Variants in GVQW3 observed in about 807,000 individuals in gnomAD.
The protein encoded by GVQW3 is protein GVQW3.
GVQW3 carries 7 observed loss-of-function variants against 12.5 expected under a neutral mutation model. That is an observed-to-expected ratio of 0.56 (90% confidence interval 0.32 to 1.05). GVQW3 has a LOEUF of 1.05. Ranked by LOEUF, GVQW3 falls within the 50% of genes least tolerant of loss-of-function variation. The pLI is 0.04. For missense variants in GVQW3, 188 were observed against 190.8 expected (o/e 0.99, Z 0.09); for synonymous variants, 71 against 67.2 (o/e 1.06, Z -0.28).
Position 76,401,773 on chromosome 11 carries a change from CAAAAAAA to C in GVQW3, c.466-1875_466-1869del, listed in dbSNP as rs5792720. Among the ~76,000 whole-genome samples the C allele has an allele frequency of 2.6e-3, 228 of 88,928 alleles. 1 individual carries two copies. The highest frequency in any genetic ancestry group is 3.6e-3 in the Non-Finnish European group (156 of 43,150). The allele number at this position is 88,928 out of a possible 152,430, so 58.3% of individuals were successfully genotyped here. On this transcript the variant is annotated intron_variant, in intron 1 of 1. Transcript: ENST00000529331. ...GGGTGACAAAAGCGAAACTCTGTCTCAAAAAAAAAAAAAAAAAAGAAAGAAAGAAAAG... is the reference window on the plus strand; with the variant it reads ...GGGTGACAAAAGCGAAACTCTGTCTCAAAAAAAAAAAGAAAGAAAGAAAAG...
chr11:76,385,597 T>C (rs186400524), intron 1 of GVQW3, among the ~76,000 whole-genome samples: 2 of 152,316 alleles, frequency 1.3e-5, no homozygotes, highest in South Asian at 2.1e-4. Flanking sequence ...TGCTGATCCT[T>C]GTATTGACCT....
chr11:76,403,834 G>A lies in GVQW3; in HGVS notation c.*76G>A. 3 of 686,488 alleles carry A rather than the reference G, an allele frequency of 4.4e-6. No homozygotes were observed. Among genetic ancestry groups the A allele is most frequent in the Non-Finnish European group, 5.3e-6 (2 of 375,018 alleles). 42.5% of individuals were successfully genotyped at this position (686,488 alleles called of 1,614,324 possible). A position where few individuals can be genotyped will look rare whatever the true frequency, so the allele number is the denominator to read the frequency against. ...GAGTCCACAGGCCGAAGAGCGAGGAGTGCTGATGTACAAGGGCAGGAGAAG... is the reference window on the plus strand; with the variant it reads ...GAGTCCACAGGCCGAAGAGCGAGGAATGCTGATGTACAAGGGCAGGAGAAG... On this transcript the variant is annotated 3_prime_UTR_variant, in exon 2 of 2. Transcript: ENST00000529331.
At chr11:76,390,332 C>G (rs1008715747) in intron 1 of GVQW3, among the ~76,000 whole-genome samples, 4 of 152,138 alleles carry the variant, frequency 2.6e-5, no homozygotes, top group Non-Finnish European at 2.9e-5. Context: ...TTGGGCAGTT[C>G]ATTTGTACCC....
chr11:76,393,753 A>G (rs1946915124), intron 1 of GVQW3, among the ~76,000 whole-genome samples: 1 of 151,892 alleles, frequency 6.6e-6, no homozygotes, highest in African/African-American at 2.4e-5. Context: ...CATAGCAGGT[A>G]TATATATATT....
intron 1 of GVQW3, among the ~76,000 whole-genome samples, chr11:76,399,467 T>C (rs1017898621): frequency 5.9e-5 from 9 of 152,172 alleles, no homozygotes; most frequent in African/African-American, 2.2e-4. Flanking sequence ...TTCGTATGTT[T>C]CTCCAGTTTT....
intron 1 of GVQW3, among the ~76,000 whole-genome samples, chr11:76,391,389 A>C (rs948529802): frequency 1.3e-5 from 2 of 152,214 alleles, no homozygotes; most frequent in Non-Finnish European, 2.9e-5. Flanking sequence ...TAAAGAAAAG[A>C]TGTGTGCCCT....
chr11:76,409,395 A>C (rs977990853), downstream of GVQW3, among the ~76,000 whole-genome samples: 24 of 152,224 alleles, frequency 1.6e-4, no homozygotes, highest in African/African-American at 5.8e-4. Flanking sequence ...TACAAAGAGA[A>C]CAGCTAGTTC....
intron 1 of GVQW3, among the ~76,000 whole-genome samples, chr11:76,386,478 C>T (rs148485293): frequency 8.3e-4 from 127 of 152,218 alleles, no homozygotes; most frequent in African/African-American, 3.0e-3. Context: ...TTTGGAAATG[C>T]CTGGATAAAT....
Position 76,403,741 on chromosome 11 carries a change from C to G in GVQW3, c.547C>G (p.Leu183Val), listed in dbSNP as rs1432252293. 6 of 517,056 alleles carry G rather than the reference C, an allele frequency of 1.2e-5. No individual in the cohort carries two copies. In the Admixed American group the frequency reaches 1.9e-4, roughly 16 times the overall value. The allele number at this position is 517,056 out of a possible 1,614,324, so 32.0% of individuals were successfully genotyped here. A position where few individuals can be genotyped will look rare whatever the true frequency, so the allele number is the denominator to read the frequency against. ...CCTCCCACCTTGGCCTCCCAAAGCT[C>G]TGGGATTATCAGCATGAGCCACCAT... ...GILPPWPPKA[L>V]GLSA Residue 183 changes from leucine (L) to valine (V), a missense_variant, in exon 2 of 2, where the codon CTG becomes GTG. Transcript: ENST00000529331.
Position 76,381,527 on chromosome 11 carries a change from A to AGATCT in GVQW3, c.-302_-301insGATCT. 3.2e-6 allele frequency: 1 copy of AGATCT among 313,814 alleles called. No individual in the cohort carries two copies. The highest frequency in any genetic ancestry group is 5.9e-6 in the Non-Finnish European group (1 of 169,394). 19.4% of individuals were successfully genotyped at this position (313,814 alleles called of 1,614,324 possible). A position where few individuals can be genotyped will look rare whatever the true frequency, so the allele number is the denominator to read the frequency against. ...CCTTAAGGGCCGCGGAATCGGAGCG[A>AGATCT]CCTTGGTGACTGGCAAACTCTCGGC... is the stretch of plus-strand genomic sequence containing the variant. On this transcript the variant is annotated 5_prime_UTR_variant, in exon 1 of 2. Coordinates refer to ENST00000529331, the MANE Select transcript of GVQW3 (RefSeq NM_001347885.2).
Position 76,386,454 on chromosome 11 carries a change from G to A in GVQW3, c.465+4161G>A, listed in dbSNP as rs1946835243. On this transcript the variant is annotated intron_variant, in intron 1 of 1. Coordinates refer to ENST00000529331, the MANE Select transcript of GVQW3 (RefSeq NM_001347885.2). ...TTTTTCAGATGAATTTCTAGTCAAA[G>A]ACTAAGACTTGCCTTTGGAAATGCC... Among the ~76,000 whole-genome samples the A allele has an allele frequency of 2.0e-5, 3 of 152,282 alleles. No homozygotes were observed. In the South Asian group the frequency reaches 6.2e-4, roughly 32 times the overall value.
downstream of GVQW3, chr11:76,411,785 C>T (rs934961037): frequency 6.6e-6 from 1 of 152,146 alleles, no homozygotes; most frequent in African/African-American, 2.4e-5. Flanking sequence ...TTGGTTTCCT[C>T]AGCTGTAACA....
intron 1 of GVQW3, chr11:76,390,251 G>A (rs1946878709): frequency 2.0e-5 from 3 of 152,150 alleles, no homozygotes; most frequent in African/African-American, 4.8e-5. Flanking sequence ...CTAAGTATAA[G>A]TCCTCTGGTC....
rs80299201 is a variant in GVQW3 at position 76,405,710 on chromosome 11, C to T, written c.*1952C>T. On this transcript the variant is annotated 3_prime_UTR_variant, in exon 2 of 2. Coordinates refer to ENST00000529331, the MANE Select transcript of GVQW3 (RefSeq NM_001347885.2). Reference sequence around the variant, plus strand: ...ATCAGTACTGTTGTCCAGGCTGGAGCGCAGTTGATTGTAGCTCACTGCAGC... The same window carrying T: ...ATCAGTACTGTTGTCCAGGCTGGAGTGCAGTTGATTGTAGCTCACTGCAGC... 415 of 152,490 alleles carry T rather than the reference C, an allele frequency of 2.7e-3. 2 individuals carry two copies. Among genetic ancestry groups the T allele is most frequent in the African/African-American group, 9.7e-3 (405 of 41,546 alleles). 9.4% of individuals were successfully genotyped at this position (152,490 alleles called of 1,614,324 possible). A position where few individuals can be genotyped will look rare whatever the true frequency, so the allele number is the denominator to read the frequency against.
chr11:76,400,464 A>C (rs1394763844), intron 1 of GVQW3, among the ~76,000 whole-genome samples: 1 of 151,658 alleles, frequency 6.6e-6, no homozygotes, highest in Non-Finnish European at 1.5e-5. Context: ...TTTGTCGCCC[A>C]GGCTGGAGTG....
Position 76,399,109 on chromosome 11 carries a change from TATTTTATTTTATTTTATTTC to T in GVQW3, c.466-4531_466-4512del, listed in dbSNP as rs1447506657. Reference sequence around the variant, plus strand: ...CTAGTCATGTAATTGTATTGTATTGTATTTTATTTTATTTTATTTCATTTTATTTTATTTTATTTTATTTA... The same window carrying T: ...CTAGTCATGTAATTGTATTGTATTGTATTTTATTTTATTTTATTTTATTTA... On this transcript the variant is annotated intron_variant, in intron 1 of 1. Coordinates refer to ENST00000529331, the MANE Select transcript of GVQW3 (RefSeq NM_001347885.2). Among the ~76,000 whole-genome samples, 3 of 145,814 alleles carry T rather than the reference TATTTTATTTTATTTTATTTC, an allele frequency of 2.1e-5. No individual in the cohort carries two copies. The East Asian group carries it at 5.8e-4, about 28-fold the overall frequency.
intron 1 of GVQW3, among the ~76,000 whole-genome samples, chr11:76,398,027 C>T (rs966025526): frequency 1.3e-5 from 2 of 149,906 alleles, no homozygotes; most frequent in African/African-American, 2.5e-5. Flanking sequence ...CTCAGCTACT[C>T]GGGAGGCTGA....
intron 1 of GVQW3, among the ~76,000 whole-genome samples, chr11:76,387,289 A>T (rs1946843886): frequency 6.6e-6 from 1 of 151,988 alleles, no homozygotes; most frequent in African/African-American, 2.4e-5. Flanking sequence ...TATAAAAATT[A>T]GCCGGGCGTG....
In GVQW3 at chr11:76,387,066, T is replaced by C. The variant is rs570995501; in HGVS notation, c.465+4773T>C. Among the ~76,000 whole-genome samples the C allele has an allele frequency of 1.6e-4, 25 of 152,346 alleles. No individual in the cohort carries two copies. In the South Asian group the frequency reaches 4.1e-3, roughly 25 times the overall value. ...GCACAGCTGTGTTCCAATAAAACTT[T>C]ATAAATGGATACTAGAATTTGAATT... On this transcript the variant is annotated intron_variant, in intron 1 of 1. Coordinates refer to ENST00000529331, the MANE Select transcript of GVQW3 (RefSeq NM_001347885.2).
Sources: allele counts gnomAD v4.1 joint callset (sites outside exome capture counted in the v4.1 genomes callset), GRCh38; gene constraint gnomAD v4.1.1; transcripts MANE v1.5; gene names NCBI Gene and HGNC (gene_info 2026-07-23, HGNC 2026-07-21).